Variants in GALNTL6 observed in about 807,000 individuals in gnomAD.
GALNTL6 encodes the protein polypeptide N-acetylgalactosaminyltransferase-like 6.
A neutral mutation model predicts 73.7 loss-of-function variants in GALNTL6; 46 were observed. The observed-to-expected ratio is 0.62, with a 90% confidence interval of 0.49 to 0.80. The LOEUF (loss-of-function observed/expected upper bound fraction) is 0.80. GALNTL6 is among the 30% of genes least tolerant of loss of function. The pLI is 0.00. For missense variants in GALNTL6, 604 were observed against 755.0 expected (o/e 0.80, Z 2.34); for synonymous variants, 259 against 263.7 (o/e 0.98, Z 0.17).
chr4:172,210,926 AT>A, intron 2 of GALNTL6, among the ~76,000 whole-genome samples: 1 of 152,120 alleles, frequency 6.6e-6, no homozygotes, highest in Non-Finnish European at 1.5e-5. Context: ...ACCAAATATT[AT>A]TTTTTAATTT....
intron 5 of GALNTL6, among the ~76,000 whole-genome samples, chr4:172,417,023 C>T (rs965927695): frequency 2.6e-5 from 4 of 151,980 alleles, no homozygotes; most frequent in Admixed American, 2.0e-4. Context: ...ATAAAAATTG[C>T]TTTAGGTAAT....
intron 3 of GALNTL6, among the ~76,000 whole-genome samples, chr4:172,294,891 A>G (rs1002940957): frequency 1.3e-5 from 2 of 152,194 alleles, no homozygotes; most frequent in African/African-American, 4.8e-5. Context: ...AAAAGATAGA[A>G]TACTAAAATT....
chr4:171,882,951 G>T (rs1009997832), intron 2 of GALNTL6, among the ~76,000 whole-genome samples: 7 of 152,154 alleles, frequency 4.6e-5, no homozygotes, highest in African/African-American at 1.7e-4. Flanking sequence ...AACTAAAATA[G>T]AAAGTATCAG....
chr4:172,936,091 G>C (rs1748603061), intron 9 of GALNTL6, among the ~76,000 whole-genome samples: 1 of 152,298 alleles, frequency 6.6e-6, no homozygotes, highest in South Asian at 2.1e-4. Flanking sequence ...CCATGATCAA[G>C]TTGGCTTCAT....
chr4:171,958,923 T>G (rs1242703318), intron 2 of GALNTL6, among the ~76,000 whole-genome samples: 1 of 152,104 alleles, frequency 6.6e-6, no homozygotes, highest in Non-Finnish European at 1.5e-5. Context: ...TCAAAAAGTA[T>G]CTTATAATAA....
chr4:172,639,950 A>G (rs1220313201), intron 5 of GALNTL6, among the ~76,000 whole-genome samples: 1 of 151,962 alleles, frequency 6.6e-6, no homozygotes, highest in Non-Finnish European at 1.5e-5. Context: ...ACATTTTATT[A>G]TTCCTGTCTT....
intron 5 of GALNTL6, among the ~76,000 whole-genome samples, chr4:172,428,863 G>C (rs886775914): frequency 6.6e-6 from 1 of 152,138 alleles, no homozygotes; most frequent in South Asian, 2.1e-4. Flanking sequence ...TCAGGGGTCT[G>C]ACTCTTTGGA....
intron 5 of GALNTL6, among the ~76,000 whole-genome samples, chr4:172,545,286 C>T (rs1735705363): frequency 6.6e-6 from 1 of 152,138 alleles, no homozygotes; most frequent in South Asian, 2.1e-4. Context: ...CCTTATTTCT[C>T]TACTTTATAA....
chr4:172,742,160 A>G (rs1253638423), intron 5 of GALNTL6, among the ~76,000 whole-genome samples: 1 of 151,986 alleles, frequency 6.6e-6, no homozygotes, highest in African/African-American at 2.4e-5. Flanking sequence ...TCAGCTGGTT[A>G]GGATCCTTTA....
chr4:172,083,932 G>A (rs1022045195), intron 2 of GALNTL6, among the ~76,000 whole-genome samples: 43 of 152,160 alleles, frequency 2.8e-4, no homozygotes, highest in Admixed American at 1.6e-3. Flanking sequence ...GGAATGAGGA[G>A]TAAGCGTGTT....
intron 8 of GALNTL6, among the ~76,000 whole-genome samples, chr4:172,900,119 T>A (rs1353709022): frequency 2.0e-5 from 3 of 152,168 alleles, no homozygotes; most frequent in Non-Finnish European, 4.4e-5. Flanking sequence ...AAGATGGAGT[T>A]GTTCTGGTTA....
At chr4:171,928,255 G>A (rs182853174) in intron 2 of GALNTL6, among the ~76,000 whole-genome samples, 6 of 152,268 alleles carry the variant, frequency 3.9e-5, no homozygotes, top group Admixed American at 2.6e-4. Flanking sequence ...GAATCCTCAT[G>A]ACAACAATAT....
intron 7 of GALNTL6, among the ~76,000 whole-genome samples, chr4:172,821,331 A>G (rs1261056578): frequency 6.6e-6 from 1 of 152,216 alleles, no homozygotes. Flanking sequence ...ATGGTCTCAT[A>G]GGACTCAAGT....
chr4:171,935,857 G>T (rs957993000), intron 2 of GALNTL6, among the ~76,000 whole-genome samples: 2 of 152,016 alleles, frequency 1.3e-5, no homozygotes, highest in Non-Finnish European at 2.9e-5. Flanking sequence ...TTTCTTGCTT[G>T]GGTAGGTAAA....
chr4:172,227,166 TG>T (rs1163706421), intron 2 of GALNTL6, among the ~76,000 whole-genome samples: 3 of 152,194 alleles, frequency 2.0e-5, no homozygotes, highest in Non-Finnish European at 4.4e-5. Context: ...ACATGGTTAC[TG>T]GGTGTGCACC....
At chr4:172,785,767 TAA>T (rs76643768) in intron 5 of GALNTL6, among the ~76,000 whole-genome samples, 13,775 of 152,198 alleles carry the variant, frequency 0.091, 826 homozygotes, top group East Asian at 0.17. Context: ...AAATTTATTG[TAA>T]AGTCTTATGC....
At chr4:172,867,867 T>C (rs1015799627) in intron 7 of GALNTL6, among the ~76,000 whole-genome samples, 2 of 152,146 alleles carry the variant, frequency 1.3e-5, no homozygotes, top group South Asian at 4.1e-4. Flanking sequence ...AACCATCCAA[T>C]TGGAGTGGCA....
chr4:172,659,279 C>T (rs1731249617), intron 5 of GALNTL6, among the ~76,000 whole-genome samples: 1 of 151,882 alleles, frequency 6.6e-6, no homozygotes, highest in African/African-American at 2.4e-5. Context: ...TTATAGGGTA[C>T]ATGTGATAGT....
intron 5 of GALNTL6, among the ~76,000 whole-genome samples, chr4:172,383,780 G>A (rs1198170246): frequency 6.6e-6 from 1 of 152,044 alleles, no homozygotes; most frequent in African/African-American, 2.4e-5. Flanking sequence ...TCGGGTTCAG[G>A]AGTTCCCTTC....
Sources: gnomAD v4.1 joint callset for allele counts (sites outside exome capture counted in the v4.1 genomes callset) on GRCh38, gnomAD v4.1.1 for gene constraint, MANE v1.5 for transcripts, NCBI Gene and HGNC (gene_info 2026-07-23, HGNC 2026-07-21) for gene names.